Variants in SUCLG2 observed in about 807,000 individuals in gnomAD.
SUCLG2 encodes succinate-CoA ligase GDP-forming subunit beta.
A neutral mutation model predicts 47.9 loss-of-function variants in SUCLG2; 42 were observed. The observed-to-expected ratio is 0.88, with a 90% confidence interval of 0.69 to 1.14. The LOEUF (loss-of-function observed/expected upper bound fraction) is 1.14, where lower values mean the gene tolerates loss of function less well. Ranked by LOEUF, SUCLG2 falls within the 50% of genes most tolerant of loss-of-function variation. SUCLG2 has a pLI of 0.00. For synonymous variants in SUCLG2, 195 were observed against 197.3 expected (o/e 0.99, Z 0.10); for missense variants, 571 against 525.9 (o/e 1.09, Z -0.84).
intron 10 of SUCLG2, chr3:67,376,450 C>T: frequency 2.0e-6 from 2 of 985,352 alleles, no homozygotes; most frequent in Non-Finnish European, 2.4e-6. Context: ...CAAAGGTGTG[C>T]TTGGGGACTA....
intron 2 of SUCLG2, among the ~76,000 whole-genome samples, chr3:67,574,371 G>A (rs1309626154): frequency 1.3e-5 from 2 of 152,162 alleles, no homozygotes; most frequent in African/African-American, 4.8e-5. Context: ...ATGGTATAAA[G>A]ATAGATACAT....
intron 10 of SUCLG2, among the ~76,000 whole-genome samples, chr3:67,383,333 C>T (rs1044890776): frequency 1.3e-5 from 2 of 152,170 alleles, no homozygotes; most frequent in Admixed American, 1.3e-4. Flanking sequence ...GATTTTAAAC[C>T]CGGTTCTGTT....
At chr3:67,493,956 C>G (rs59381019) in intron 9 of SUCLG2, among the ~76,000 whole-genome samples, 4,450 of 152,294 alleles carry the variant, frequency 0.029, 213 homozygotes, top group African/African-American at 0.1. Flanking sequence ...TGCCTTTGAA[C>G]TTCAATAACT....
At chr3:67,403,473 C>T (rs577948617) in intron 9 of SUCLG2, among the ~76,000 whole-genome samples, 1 of 152,228 alleles carries the variant, frequency 6.6e-6, no homozygotes, top group Non-Finnish European at 1.5e-5. Flanking sequence ...CTCCCTTGTA[C>T]CAGGTACAGA....
chr3:67,530,799 G>C (rs1211738069), intron 2 of SUCLG2, among the ~76,000 whole-genome samples: 6 of 152,156 alleles, frequency 3.9e-5, no homozygotes, highest in African/African-American at 1.4e-4. Context: ...CACAACATTG[G>C]TCAAGCCCTG....
intron 2 of SUCLG2, among the ~76,000 whole-genome samples, chr3:67,584,420 T>C (rs1432965138): frequency 6.6e-6 from 1 of 152,162 alleles, no homozygotes; most frequent in Non-Finnish European, 1.5e-5. Flanking sequence ...TAAGGAATCT[T>C]ATTGGAGGAT....
intron 9 of SUCLG2, among the ~76,000 whole-genome samples, chr3:67,443,088 A>C (rs557885220): frequency 2.6e-5 from 4 of 152,230 alleles, no homozygotes; most frequent in Non-Finnish European, 5.9e-5. Flanking sequence ...ACAACTACTT[A>C]CATAGCAAGT....
intron 1 of SUCLG2, among the ~76,000 whole-genome samples, chr3:67,629,416 G>A (rs912362135): frequency 2.6e-5 from 4 of 152,118 alleles, no homozygotes; most frequent in African/African-American, 9.7e-5. Context: ...GAACTCTAGA[G>A]AATATTTATG....
intron 2 of SUCLG2, among the ~76,000 whole-genome samples, chr3:67,544,032 G>A (rs1331871078): frequency 6.6e-6 from 1 of 152,140 alleles, no homozygotes; most frequent in African/African-American, 2.4e-5. Context: ...GCAGGAAAAT[G>A]TTTTGCCCTT....
intron 10 of SUCLG2, among the ~76,000 whole-genome samples, chr3:67,390,647 T>A (rs750822888): frequency 3.7e-4 from 54 of 144,974 alleles, no homozygotes; most frequent in Non-Finnish European, 7.2e-4. Flanking sequence ...TTATCTGAAA[T>A]GAGGGTTTTT....
intron 2 of SUCLG2, among the ~76,000 whole-genome samples, chr3:67,584,777 T>C (rs1382194801): frequency 6.6e-6 from 1 of 152,110 alleles, no homozygotes; most frequent in Non-Finnish European, 1.5e-5. Flanking sequence ...AACACATCTT[T>C]CTTTACACAG....
At position 67,454,180 on chromosome 3, in the gene SUCLG2, C is replaced by T. The variant is rs1011222199; in HGVS notation, c.1062+41618G>A. 2.0e-5 allele frequency among the ~76,000 whole-genome samples: 3 copies of T among 152,272 alleles called. No individual in the cohort carries two copies. In the South Asian group the frequency reaches 6.2e-4, roughly 32 times the overall value. The stretch of plus-strand genomic sequence containing the variant: ...GCACAAAAATTGCAAAAGAAACATT[C>T]TAAATCATGAGCTCTTTAAGTACAG... On this transcript the variant is annotated intron_variant, in intron 9 of 10. Coordinates refer to ENST00000307227, the MANE Select transcript of SUCLG2 (RefSeq NM_003848.4).
chr3:67,457,684 C>CTTTTTTTTTTTT (rs71109889), intron 9 of SUCLG2, among the ~76,000 whole-genome samples: 1 of 65,508 alleles, frequency 1.5e-5, no homozygotes. Context: ...ACAAAAGCAG[C>CTTTTTTTTTTTT]TTTTTTTTTT....
chr3:67,397,751 G>A (rs559179215), intron 10 of SUCLG2, among the ~76,000 whole-genome samples: 7 of 152,112 alleles, frequency 4.6e-5, no homozygotes, highest in Admixed American at 1.3e-4. Flanking sequence ...GAGGCATCAC[G>A]CTACCTCAGT....
At chr3:67,626,811 G>A (rs1424148221) in intron 1 of SUCLG2, among the ~76,000 whole-genome samples, 1 of 151,514 alleles carries the variant, frequency 6.6e-6, no homozygotes, top group Non-Finnish European at 1.5e-5. Flanking sequence ...CTACATGGGA[G>A]GCTGAGGCAG....
chr3:67,399,634 T>G (rs1306686835), intron 10 of SUCLG2, among the ~76,000 whole-genome samples: 1 of 152,206 alleles, frequency 6.6e-6, no homozygotes, highest in Non-Finnish European at 1.5e-5. Context: ...TTTTATATTG[T>G]ACATTGAAAT....
At chr3:67,409,133 A>T (rs1295130764) in intron 9 of SUCLG2, 7 of 1,319,910 alleles carry the variant, frequency 5.3e-6, no homozygotes, top group Non-Finnish European at 7.2e-6. Flanking sequence ...TTACTGATAA[A>T]AGAGTTGTCC....
chr3:67,579,059 A>C (rs1707816475), intron 2 of SUCLG2, among the ~76,000 whole-genome samples: 1 of 152,208 alleles, frequency 6.6e-6, no homozygotes, highest in Non-Finnish European at 1.5e-5. Flanking sequence ...TGCAACCCTA[A>C]AATTTCCTCA....
intron 1 of SUCLG2, among the ~76,000 whole-genome samples, chr3:67,638,460 G>C (rs1701044630): frequency 6.6e-6 from 1 of 152,166 alleles, no homozygotes; most frequent in Non-Finnish European, 1.5e-5. Flanking sequence ...TACTGCTATA[G>C]GGCAGCACAC....
Sources: allele counts gnomAD v4.1 joint callset (sites outside exome capture counted in the v4.1 genomes callset), GRCh38; gene constraint gnomAD v4.1.1; transcripts MANE v1.5; gene names NCBI Gene and HGNC (gene_info 2026-07-23, HGNC 2026-07-21).